The following C16orf96 variants were observed in gnomAD, a reference collection of about 807,000 sequenced individuals.
C16orf96 encodes uncharacterized protein C16orf96.
In C16orf96, 108 loss-of-function variants were observed where a neutral mutation model predicts 103.6. The ratio of observed to expected loss-of-function variants is 1.04; its 90% CI spans 0.89 to 1.22. C16orf96 has a LOEUF of 1.22. C16orf96 is among the 50% of genes most tolerant of loss of function. The pLI, the probability that C16orf96 is intolerant of heterozygous loss-of-function variation, is 0.00. For synonymous variants in C16orf96, 566 were observed against 593.5 expected (o/e 0.95, Z 0.67); for missense variants, 1,586 against 1,464.2 (o/e 1.08, Z -1.36).
the C16orf96 span, among the ~76,000 whole-genome samples, chr16:4,545,338 C>G: frequency 2.6e-5 from 4 of 152,186 alleles, no homozygotes; most frequent in Non-Finnish European, 5.9e-5. Flanking sequence ...TCCCAAGTAG[C>G]TGGGACTACA....
At chr16:4,548,125 A>G in the C16orf96 span, among the ~76,000 whole-genome samples, 1 of 152,198 alleles carries the variant, frequency 6.6e-6, no homozygotes, top group Non-Finnish European at 1.5e-5. Flanking sequence ...CTCCGGGAGA[A>G]TTCGGACATG....
intron 1 of C16orf96, among the ~76,000 whole-genome samples, chr16:4,569,474 C>G (rs1188708737): frequency 1.3e-5 from 2 of 151,966 alleles, no homozygotes. Context: ...AAAGAGAGGC[C>G]TGGTGAGTTG....
At chr16:4,538,933 C>G in the C16orf96 span, 1 of 152,300 alleles carries the variant, frequency 6.6e-6, no homozygotes, top group Non-Finnish European at 1.5e-5. Flanking sequence ...TGGTCGGGGC[C>G]TGTTTGCCCA....
intron 2 of C16orf96, among the ~76,000 whole-genome samples, chr16:4,573,640 T>C (rs1470564047): frequency 1.3e-5 from 2 of 149,356 alleles, no homozygotes; most frequent in Non-Finnish European, 3.0e-5. Context: ...TAGTCCCAGT[T>C]ACTCAGGAGG....
chr16:4,578,737 AC>A (rs2059544609), intron 5 of C16orf96, among the ~76,000 whole-genome samples: 1 of 152,144 alleles, frequency 6.6e-6, no homozygotes, highest in African/African-American at 2.4e-5. Flanking sequence ...CAGCCTGGTG[AC>A]AGAGCGAGAT....
intron 8 of C16orf96, among the ~76,000 whole-genome samples, chr16:4,587,813 G>A (rs565355718): frequency 6.6e-5 from 10 of 152,184 alleles, no homozygotes; most frequent in Non-Finnish European, 1.3e-4. Flanking sequence ...GAACATGCCT[G>A]TAGTCCCAGC....
At position 4,600,326 on chromosome 16, in the gene C16orf96, C is replaced by T. The variant is rs1721329409; in HGVS notation, c.*9C>T. Reference sequence around the variant, plus strand: ...AGCCCGCCAACCCGTGAGCCCCACCCCGCTGCGCCCCCCATCGCCAAGTCC... The same window carrying T: ...AGCCCGCCAACCCGTGAGCCCCACCTCGCTGCGCCCCCCATCGCCAAGTCC... On this transcript the variant is annotated 3_prime_UTR_variant, in exon 16 of 16. Transcript: ENST00000444310. 1 of 1,536,158 alleles carries T rather than the reference C, an allele frequency of 6.5e-7. No homozygotes were observed. Among genetic ancestry groups the T allele is most frequent in the Admixed American group, 2.0e-5 (1 of 50,942 alleles).
rs898793727 is a variant in C16orf96 at position 4,588,086 on chromosome 16, G to T, written c.2428-81G>T. On this transcript the variant is annotated intron_variant, in intron 8 of 15. Transcript: ENST00000444310. Reference sequence around the variant, plus strand: ...CCAGAGTCCCAAACTAGAAGCATCAGACCCAAGGGGTGTGATGTCTCCCAG... The same window carrying T: ...CCAGAGTCCCAAACTAGAAGCATCATACCCAAGGGGTGTGATGTCTCCCAG... 1.1e-5 allele frequency: 15 copies of T among 1,403,672 alleles called. No individual in the cohort carries two copies. In the East Asian group the frequency reaches 2.0e-4, roughly 19 times the overall value. The allele number at this position is 1,403,672 out of a possible 1,614,324, so 87.0% of individuals were successfully genotyped here.
Position 4,576,595 on chromosome 16 carries a change from C to G in C16orf96, c.2115C>G (p.Ala705=), listed in dbSNP as rs1221072693. The G allele has an allele frequency of 1.3e-6, 2 of 1,551,428 alleles. No homozygotes were observed. Among genetic ancestry groups the G allele is most frequent in the Admixed American group, 2.0e-5 (1 of 50,968 alleles). ...ACGACTCTCTGAAGGAAGAATTTGC[C>G]CAGCTGTCCTGTAACCTGAACCAGC... is the stretch of plus-strand genomic sequence containing the variant. ...VKHDSLKEEF[A]QLSCNLNQRL... Residue 705 remains alanine (A), a synonymous_variant, in exon 5 of 16, where the codon GCC becomes GCG. Transcript: ENST00000444310.
At chr16:4,549,377 G>A in the C16orf96 span, among the ~76,000 whole-genome samples, 1 of 151,712 alleles carries the variant, frequency 6.6e-6, no homozygotes, top group Non-Finnish European at 1.5e-5. Context: ...GGAGGCTGAG[G>A]CAGGAGAATG....
At chr16:4,571,316 C>T (rs2059435835) in intron 1 of C16orf96, among the ~76,000 whole-genome samples, 1 of 152,166 alleles carries the variant, frequency 6.6e-6, no homozygotes, top group African/African-American at 2.4e-5. Context: ...TGCTTCATGA[C>T]GAGTAACTCC....
chr16:4,579,255 G>T (rs2059553117), intron 6 of C16orf96, among the ~76,000 whole-genome samples: 1 of 152,076 alleles, frequency 6.6e-6, no homozygotes, highest in Non-Finnish European at 1.5e-5. Flanking sequence ...TCAGGTGGCT[G>T]TTCAGAGGGC....
In C16orf96 at chr16:4,586,453, G is replaced by A. The variant is rs1342785888; in HGVS notation, c.2353-586G>A. Among the ~76,000 whole-genome samples the A allele has an allele frequency of 2.0e-5, 3 of 152,214 alleles. No individual in the cohort carries two copies. The East Asian group carries it at 5.8e-4, about 29-fold the overall frequency. On this transcript the variant is annotated intron_variant, in intron 7 of 15. Coordinates refer to ENST00000444310, the MANE Select transcript of C16orf96 (RefSeq NM_001145011.2). The stretch of plus-strand genomic sequence containing the variant: ...GGAAGAGAGAAGTAGAAGCCTGTTT[G>A]CAGCTTTGCAGGAACTATGGCCCGA...
At chr16:4,599,593 G>A (rs1043198452) in intron 15 of C16orf96, among the ~76,000 whole-genome samples, 3 of 152,208 alleles carry the variant, frequency 2.0e-5, no homozygotes, top group African/African-American at 7.2e-5. Flanking sequence ...CTGCAGGGGC[G>A]GCAACAAGGG....
rs1379143432 is a variant in C16orf96 at position 4,600,180 on chromosome 16, C to A, written c.3289C>A (p.Pro1097Thr). The change falls in exon 16 of 16, where the codon CCT becomes ACT. Residue 1097 changes from proline (P) to threonine (T), a missense_variant. Pro to Thr is a conservative substitution (Grantham distance 38). Coordinates refer to ENST00000444310, the MANE Select transcript of C16orf96 (RefSeq NM_001145011.2). Reference sequence around the variant, plus strand: ...GCCAGCTCGACCACCTTCCCTGCCACCTCTGCTGCTGCTGCCACCGCTGAT... The same window carrying A: ...GCCAGCTCGACCACCTTCCCTGCCAACTCTGCTGCTGCTGCCACCGCTGAT... ...TMPARPPSLP[P>T]LLLLPPLIPS... 1 of 1,551,514 alleles carries A rather than the reference C, an allele frequency of 6.4e-7. No homozygotes were observed. Among genetic ancestry groups the A allele is most frequent in the African/African-American group, 1.4e-5 (1 of 73,020 alleles).
chr16:4,570,607 G>T (rs28535861), intron 1 of C16orf96, among the ~76,000 whole-genome samples: 10,971 of 151,950 alleles, frequency 0.072, 663 homozygotes, highest in African/African-American at 0.15. Flanking sequence ...TGGGATTACA[G>T]GCACGCAACA....
chr16:4,550,277 G>T, the C16orf96 span, among the ~76,000 whole-genome samples: 4 of 151,990 alleles, frequency 2.6e-5, no homozygotes, highest in Admixed American at 2.6e-4. Flanking sequence ...TAGAGACAGG[G>T]TTTCATCATG....
intron 6 of C16orf96, 90 bp downstream of exon 6, chr16:4,579,115 C>A: frequency 1.7e-6 from 2 of 1,172,750 alleles, no homozygotes; most frequent in Non-Finnish European, 1.2e-6. Context: ...CTCCCAGGTG[C>A]AGCTGTGTTC....
Position 4,563,228 on chromosome 16 carries a change from T to C in C16orf96, c.420+6319T>C. On this transcript the variant is annotated intron_variant, in intron 1 of 15. Transcript: ENST00000444310. Reference sequence around the variant, plus strand: ...CGGCTCTAGCAGTGGAACACCCTCTTGCTCGTTCGCTCATGACTGACTCGT... The same window carrying C: ...CGGCTCTAGCAGTGGAACACCCTCTCGCTCGTTCGCTCATGACTGACTCGT... 1.8e-5 allele frequency: 10 copies of C among 542,288 alleles called. 1 individual carries two copies. Among genetic ancestry groups the C allele is most frequent in the South Asian group, 1.7e-4 (10 of 60,226 alleles). 33.6% of individuals were successfully genotyped at this position (542,288 alleles called of 1,614,324 possible).
Sources: allele counts gnomAD v4.1 joint callset (sites outside exome capture counted in the v4.1 genomes callset), GRCh38; gene constraint gnomAD v4.1.1; transcripts MANE v1.5; gene names NCBI Gene and HGNC (gene_info 2026-07-23, HGNC 2026-07-21).